The following PKN2 variants were observed in gnomAD, a reference collection of about 807,000 sequenced individuals.
PKN2 encodes serine/threonine-protein kinase N2.
In PKN2, 38 loss-of-function variants were observed where a neutral mutation model predicts 119.1. The observed-to-expected ratio is 0.32, with a 90% CI of 0.25 to 0.42. The LOEUF (loss-of-function observed/expected upper bound fraction) is 0.42, where lower values mean the gene tolerates loss of function less well. Among genes scored for constraint, PKN2 ranks in the 10% least tolerant of loss-of-function variants. The pLI is 1.00. For missense variants in PKN2, 850 were observed against 1,165.1 expected (o/e 0.73, Z 3.94); for synonymous variants, 390 against 384.9 (o/e 1.01, Z -0.15).
chr1:88,731,427 T>C (rs1029539973), intron 1 of PKN2, among the ~76,000 whole-genome samples: 3 of 152,178 alleles, frequency 2.0e-5, no homozygotes, highest in Non-Finnish European at 4.4e-5. Context: ...AGTTCAAATA[T>C]AGATAAACGG....
intron 16 of PKN2, among the ~76,000 whole-genome samples, chr1:88,818,755 A>G (rs906780229): frequency 1.3e-4 from 20 of 152,232 alleles, no homozygotes; most frequent in African/African-American, 4.8e-4. Flanking sequence ...ATTTGGAGGC[A>G]TCACGCTACC....
chr1:88,800,557 A>G (rs1176265075), intron 8 of PKN2, among the ~76,000 whole-genome samples: 3 of 152,162 alleles, frequency 2.0e-5, no homozygotes, highest in Non-Finnish European at 2.9e-5. Flanking sequence ...TGAAACTATG[A>G]ACTACCTTTC....
intron 6 of PKN2, among the ~76,000 whole-genome samples, chr1:88,775,923 G>A (rs1215796691): frequency 1.3e-5 from 2 of 151,944 alleles, no homozygotes; most frequent in Non-Finnish European, 2.9e-5. Flanking sequence ...GGCTAACATG[G>A]TGAAACCTCA....
chr1:88,825,163 G>A (rs993572516), intron 18 of PKN2, among the ~76,000 whole-genome samples: 4 of 152,190 alleles, frequency 2.6e-5, no homozygotes, highest in African/African-American at 9.7e-5. Context: ...AATGAACTCT[G>A]TAGATATATG....
chr1:88,775,012 A>G (rs1336071871), intron 6 of PKN2, among the ~76,000 whole-genome samples: 2 of 152,082 alleles, frequency 1.3e-5, no homozygotes, highest in South Asian at 2.1e-4. Flanking sequence ...CCCAGCCTCT[A>G]TTCTTACTTT....
At chr1:88,806,953 G>T (rs1671566077) in intron 12 of PKN2, among the ~76,000 whole-genome samples, 3 of 151,918 alleles carry the variant, frequency 2.0e-5, no homozygotes, top group Admixed American at 1.3e-4. Flanking sequence ...CCTGATCTCA[G>T]GTGAGCCGCC....
chr1:88,724,133 G>A (rs1356459403), intron 1 of PKN2, among the ~76,000 whole-genome samples: 2 of 152,136 alleles, frequency 1.3e-5, no homozygotes, highest in Admixed American at 1.3e-4. Flanking sequence ...CTTGCTTTAA[G>A]TTAGATAACT....
At chr1:88,785,601 A>G (rs1022176358) in intron 7 of PKN2, among the ~76,000 whole-genome samples, 2 of 152,156 alleles carry the variant, frequency 1.3e-5, no homozygotes, top group East Asian at 3.8e-4. Flanking sequence ...CTGGGGAGAA[A>G]TTCTGAAGTA....
intron 3 of PKN2, among the ~76,000 whole-genome samples, chr1:88,762,688 A>T (rs1302972406): frequency 6.6e-6 from 1 of 152,186 alleles, no homozygotes; most frequent in Non-Finnish European, 1.5e-5. Context: ...ATCACATGTA[A>T]ATAGTTAAAG....
At chr1:88,772,251 T>A (rs1669926096) in intron 6 of PKN2, among the ~76,000 whole-genome samples, 1 of 152,216 alleles carries the variant, frequency 6.6e-6, no homozygotes, top group Non-Finnish European at 1.5e-5. Context: ...ATTTGTGACC[T>A]TTTTTGCCTG....
chr1:88,735,401 G>T (rs1668298286), intron 1 of PKN2, among the ~76,000 whole-genome samples: 1 of 152,002 alleles, frequency 6.6e-6, no homozygotes, highest in African/African-American at 2.4e-5. Context: ...AGCTCAAGCA[G>T]TCCTTCCACC....
At chr1:88,743,308 C>T (rs904382598) in intron 2 of PKN2, among the ~76,000 whole-genome samples, 3 of 152,190 alleles carry the variant, frequency 2.0e-5, no homozygotes, top group South Asian at 2.1e-4. Flanking sequence ...TCTCTACAAT[C>T]GATCTAGAAC....
At chr1:88,800,567 C>T (rs867896879) in intron 8 of PKN2, among the ~76,000 whole-genome samples, 2 of 152,190 alleles carry the variant, frequency 1.3e-5, no homozygotes, top group South Asian at 4.1e-4. Context: ...AACTACCTTT[C>T]GCTAGTAGTT....
intron 6 of PKN2, among the ~76,000 whole-genome samples, chr1:88,774,622 T>G (rs12061887): frequency 0.024 from 3,510 of 146,316 alleles, 134 homozygotes; most frequent in African/African-American, 0.083. Flanking sequence ...ATTTTGCGGG[T>G]TTTTTTTTTT....
chr1:88,703,864 C>A (rs1191243863), intron 1 of PKN2, among the ~76,000 whole-genome samples: 1 of 151,954 alleles, frequency 6.6e-6, no homozygotes, highest in East Asian at 1.9e-4. Context: ...ACCAAGATAT[C>A]CTAACTCTAG....
chr1:88,833,081 TAAG>T lies in PKN2; in HGVS notation c.2681_2683del (p.Arg894del), dbSNP rs1363128425. On this transcript the variant is annotated inframe_deletion, in exon 21 of 22. Transcript: ENST00000370521. ...TTTTATTTTACATTATGCTAGCTGT[TAAG>T]AAGAAATCCTGAACGGCGCCTTGGG... 7 of 1,610,218 alleles carry T rather than the reference TAAG, an allele frequency of 4.3e-6. No individual in the cohort carries two copies. Among genetic ancestry groups the T allele is most frequent in the South Asian group, 1.1e-5 (1 of 90,438 alleles).
intron 1 of PKN2, among the ~76,000 whole-genome samples, chr1:88,723,422 TTTA>T (rs1181395437): frequency 2.7e-4 from 18 of 66,406 alleles, no homozygotes; most frequent in Non-Finnish European, 5.2e-4. Context: ...CCCCCCCCCT[TTTA>T]TTTATTTGTT....
intron 1 of PKN2, among the ~76,000 whole-genome samples, chr1:88,727,051 T>G (rs1667925259): frequency 6.6e-6 from 1 of 152,148 alleles, no homozygotes; most frequent in Non-Finnish European, 1.5e-5. Context: ...CAACTATAAT[T>G]GTCTATTTTT....
chr1:88,823,735 G>T (rs1289376608), intron 17 of PKN2, among the ~76,000 whole-genome samples: 1 of 145,730 alleles, frequency 6.9e-6, no homozygotes, highest in Non-Finnish European at 1.5e-5. Context: ...AAAAGGCTGG[G>T]TGTGGTGGCT....
Sources: gnomAD v4.1 joint callset for allele counts (sites outside exome capture counted in the v4.1 genomes callset) on GRCh38, gnomAD v4.1.1 for gene constraint, MANE v1.5 for transcripts, NCBI Gene and HGNC (gene_info 2026-07-23, HGNC 2026-07-21) for gene names.